PDE5A: variants seen among roughly 807,000 people sequenced by gnomAD.
PDE5A encodes phosphodiesterase 5A, also known as cGMP-specific 3',5'-cyclic phosphodiesterase.
Under a neutral mutation model 110.2 loss-of-function variants are expected in PDE5A, and 67 were observed. That is an observed-to-expected ratio of 0.61 (90% confidence interval 0.50 to 0.75). The LOEUF (loss-of-function observed/expected upper bound fraction) is 0.75. PDE5A is among the 30% of genes least tolerant of loss of function. The pLI is 0.00. For synonymous variants in PDE5A, 328 were observed against 351.2 expected, an observed-to-expected ratio of 0.93 and a Z score of 0.74; for missense variants, 862 against 1,045.1, an observed-to-expected ratio of 0.82 and a Z score of 2.42.
At chr4:119,547,111 T>TG (rs1560610208) in intron 9 of PDE5A, among the ~76,000 whole-genome samples, 2 of 150,048 alleles carry the variant, frequency 1.3e-5, no homozygotes, top group East Asian at 1.9e-4. Flanking sequence ...CAATAGTTTT[T>TG]TTTTTTTTTT....
intron 3 of PDE5A, among the ~76,000 whole-genome samples, chr4:119,593,304 T>C (rs1005601000): frequency 5.3e-5 from 8 of 152,188 alleles, no homozygotes; most frequent in Non-Finnish European, 1.0e-4. Context: ...TGTTTTGTAA[T>C]AGACACAAAC....
At chr4:119,507,407 T>C (rs1560594971) in intron 16 of PDE5A, among the ~76,000 whole-genome samples, 197 bp downstream of exon 16, 1 of 151,900 alleles carries the variant, frequency 6.6e-6, no homozygotes, top group Non-Finnish European at 1.5e-5. Context: ...TCAGAAATAA[T>C]AGGTATTCTT....
intron 1 of PDE5A, among the ~76,000 whole-genome samples, chr4:119,625,267 G>A (rs901102624): frequency 2.4e-4 from 37 of 152,138 alleles, no homozygotes; most frequent in African/African-American, 8.2e-4. Flanking sequence ...AAAGTGCTGG[G>A]ATTACAGGCA....
chr4:119,570,046 G>A (rs1338350529), intron 3 of PDE5A, among the ~76,000 whole-genome samples: 1 of 152,056 alleles, frequency 6.6e-6, no homozygotes, highest in Non-Finnish European at 1.5e-5. Flanking sequence ...GATGACATTT[G>A]AAAAATGACA....
intron 11 of PDE5A, among the ~76,000 whole-genome samples, chr4:119,531,960 G>A (rs1726557459): frequency 6.6e-6 from 1 of 152,082 alleles, no homozygotes; most frequent in Non-Finnish European, 1.5e-5. Context: ...CAATGAAAAT[G>A]TTATCTCAGT....
chr4:119,548,044 A>ATTTTTTTTTTT (rs11438089), intron 9 of PDE5A, among the ~76,000 whole-genome samples: 2 of 94,802 alleles, frequency 2.1e-5, no homozygotes, highest in African/African-American at 4.2e-5. Flanking sequence ...TTCTCCGTGT[A>ATTTTTTTTTTT]TTTTTTTTTT....
chr4:119,606,644 T>G, intron 2 of PDE5A, 65 bp downstream of exon 2: 1 of 1,137,358 alleles, frequency 8.8e-7, no homozygotes, highest in South Asian at 1.4e-5. Context: ...GCCCCAGCCA[T>G]AGTACCCGCC....
intron 11 of PDE5A, among the ~76,000 whole-genome samples, chr4:119,529,792 G>C (rs1726466810): frequency 6.6e-6 from 1 of 152,094 alleles, no homozygotes; most frequent in Admixed American, 6.6e-5. Flanking sequence ...GCTCTATTTT[G>C]CAACGAAAGC....
chr4:119,531,416 C>CT (rs1364533600), intron 11 of PDE5A, among the ~76,000 whole-genome samples: 1 of 152,006 alleles, frequency 6.6e-6, no homozygotes, highest in Non-Finnish European at 1.5e-5. Context: ...GTAGCTGCGA[C>CT]TACAGATGCA....
chr4:119,526,185 A>G (rs1296052438), intron 11 of PDE5A, among the ~76,000 whole-genome samples: 1 of 152,152 alleles, frequency 6.6e-6, no homozygotes, highest in Admixed American at 6.6e-5. Context: ...TTTCAAGTAC[A>G]GGAACTTAAG....
intron 1 of PDE5A, among the ~76,000 whole-genome samples, chr4:119,613,371 CT>C (rs1369929549): frequency 6.6e-6 from 1 of 151,284 alleles, no homozygotes; most frequent in Admixed American, 6.6e-5. Context: ...CTTTAATTGT[CT>C]TTTTTTTTCT....
chr4:119,531,125 C>A (rs1348544846), intron 11 of PDE5A, among the ~76,000 whole-genome samples: 1 of 152,020 alleles, frequency 6.6e-6, no homozygotes, highest in African/African-American at 2.4e-5. Context: ...TGGTGAATTC[C>A]AGATTGTTCC....
At position 119,627,141 on chromosome 4, in the gene PDE5A, AG is replaced by A. The variant is rs751062687; in HGVS notation, c.152+1378del. ...GGGAAGGGACGTAGGGGGATGCTGA[AG>A]GAAGTACCTTGTTTTGTCTCCAAAG... On this transcript the variant is annotated intron_variant, in intron 1 of 20. Coordinates refer to ENST00000354960, the MANE Select transcript of PDE5A (RefSeq NM_001083.4). This position sits in a 1 kb window ranked among gnomAD's most constrained non-coding sequence, Gnocchi z 4.6. The A allele has an allele frequency of 1.2e-6, 2 of 1,612,798 alleles. No homozygotes were observed. Among genetic ancestry groups the A allele is most frequent in the Non-Finnish European group, 1.7e-6 (2 of 1,179,296 alleles).
intron 14 of PDE5A, among the ~76,000 whole-genome samples, chr4:119,514,279 A>G (rs747365695): frequency 1.3e-5 from 2 of 152,170 alleles, no homozygotes. Flanking sequence ...TGAAAGCCCC[A>G]TGGGGGTGGG....
rs199917186 is a variant in PDE5A at position 119,525,515 on chromosome 4, T to A, written c.1779+34A>T. 5.0e-6 allele frequency: 8 copies of A among 1,604,990 alleles called. No homozygotes were observed. The highest frequency in any genetic ancestry group is 6.8e-6 in the Non-Finnish European group (8 of 1,173,834). On this transcript the variant is annotated intron_variant, in intron 12 of 20. Coordinates refer to ENST00000354960, the MANE Select transcript of PDE5A (RefSeq NM_001083.4). The surrounding 1 kb of genome is among the most constrained non-coding windows in gnomAD (Gnocchi z 4.3). ...TCTTACATACACACACACATACACATAGACTTTTCCAAAGGATGTTGCTGC... is the reference window on the plus strand; with the variant it reads ...TCTTACATACACACACACATACACAAAGACTTTTCCAAAGGATGTTGCTGC...
At position 119,507,685 on chromosome 4, in the gene PDE5A, C is replaced by T. The variant is rs749889209; in HGVS notation, c.2108G>A (p.Gly703Asp). ...LNSPGNQILSGLSIEEYKTTL... is the reference protein window; with the variant it reads ...LNSPGNQILSDLSIEEYKTTL... The stretch of plus-strand genomic sequence containing the variant: ...GGTCTTATATTCTTCAATGGAGAGG[C>T]CACTGAGAATCTGATTGCCCTTTAT... The change falls in exon 16 of 21, where the codon GGC becomes GAC. Residue 703 changes from glycine to aspartate, a missense_variant. Coordinates refer to ENST00000354960, the MANE Select transcript of PDE5A (RefSeq NM_001083.4). 2 of 1,584,450 alleles carry T rather than the reference C, an allele frequency of 1.3e-6. No individual in the cohort carries two copies. The highest frequency in any genetic ancestry group is 2.3e-5 in the South Asian group (2 of 85,794).
chr4:119,608,525 T>C (rs1429864329), intron 1 of PDE5A, among the ~76,000 whole-genome samples: 2 of 152,160 alleles, frequency 1.3e-5, no homozygotes, highest in Admixed American at 6.5e-5. Flanking sequence ...TAATTTTATC[T>C]AAAAATTAGA....
chr4:119,564,018 C>A (rs1727833731), intron 5 of PDE5A, among the ~76,000 whole-genome samples: 2 of 144,500 alleles, frequency 1.4e-5, no homozygotes, highest in African/African-American at 2.6e-5. Context: ...CATACAGATA[C>A]CAGCATGATG....
At position 119,628,631 on chromosome 4, in the gene PDE5A, T is replaced by TG; in HGVS notation, c.40dup (p.Gln14ProfsTer34). On this transcript the variant is annotated frameshift_variant, in exon 1 of 21. Coordinates refer to ENST00000354960, the MANE Select transcript of PDE5A (RefSeq NM_001083.4). LOFTEE classifies it high-confidence loss of function. ...CTGCTTCTGCTGCTGGGGCTGCTGC[T>TG]GCTGTCGCTGCTGCCCGAAGCTGGG... is the stretch of plus-strand genomic sequence containing the variant. 1 of 1,613,874 alleles carries TG rather than the reference T, an allele frequency of 6.2e-7. No individual in the cohort carries two copies. Among genetic ancestry groups the TG allele is most frequent in the East Asian group, 2.2e-5 (1 of 44,862 alleles).
Sources: allele counts gnomAD v4.1 joint callset (sites outside exome capture counted in the v4.1 genomes callset), GRCh38; gene constraint gnomAD v4.1.1; non-coding constraint Gnocchi (gnomAD v3.1); transcripts MANE v1.5; gene names NCBI Gene and HGNC (gene_info 2026-07-23, HGNC 2026-07-21).